The following PCDHA5 variants were observed in gnomAD, a reference collection of about 807,000 sequenced individuals.
The protein encoded by PCDHA5 is protocadherin alpha 5, also known as protocadherin alpha-5.
PCDHA5 carries 43 observed loss-of-function variants against 61.6 expected under a neutral mutation model. The ratio of observed to expected loss-of-function variants is 0.70; its 90% CI spans 0.55 to 0.90. The LOEUF is 0.90. PCDHA5 is among the 40% of genes least tolerant of loss of function. The probability of loss-of-function intolerance (pLI) is 0.00; values close to 1 mark genes in which losing one functional copy is unlikely to be tolerated. For missense variants in PCDHA5, 1,298 were observed against 1,222.7 expected (o/e 1.06, Z -0.92); for synonymous variants, 627 against 543.9 (o/e 1.15, Z -2.13).
intron 1 of PCDHA5, among the ~76,000 whole-genome samples, chr5:140,953,569 C>G (rs246030): frequency 0.56 from 85,556 of 151,828 alleles, 24,725 homozygotes; most frequent in African/African-American, 0.69. Context: ...TTAGTGCCCT[C>G]CTCTCCCAAA....
chr5:140,883,616 G>T (rs781929949), intron 1 of PCDHA5: 69 of 1,613,896 alleles, frequency 4.3e-5, no homozygotes, highest in Non-Finnish European at 5.7e-5. Flanking sequence ...CGACGTGAAC[G>T]ACAACGCGCC....
intron 1 of PCDHA5, among the ~76,000 whole-genome samples, chr5:140,940,086 A>C (rs373629874): frequency 6.6e-6 from 1 of 152,214 alleles, no homozygotes; most frequent in Non-Finnish European, 1.5e-5. Flanking sequence ...TTTCTGCTAA[A>C]TTGAAACTTT....
chr5:140,938,439 A>C (rs2092064072), intron 1 of PCDHA5, among the ~76,000 whole-genome samples: 1 of 152,208 alleles, frequency 6.6e-6, no homozygotes, highest in African/African-American at 2.4e-5. Flanking sequence ...TATCAGATTT[A>C]TTAAGTTCCC....
chr5:140,891,688 T>G (rs2063203967), intron 1 of PCDHA5, among the ~76,000 whole-genome samples: 1 of 152,224 alleles, frequency 6.6e-6, no homozygotes, highest in Non-Finnish European at 1.5e-5. Flanking sequence ...TCTCTCTTCT[T>G]GCTGTTGTCT....
chr5:140,988,622 ATGTCCTGGTTTTC>A (rs2097306090), intron 3 of PCDHA5, among the ~76,000 whole-genome samples: 1 of 152,124 alleles, frequency 6.6e-6, no homozygotes, highest in Non-Finnish European at 1.5e-5. Context: ...TAGAATGGAG[ATGTCCTGGTTTTC>A]TGAAATTAAA....
chr5:140,922,177 A>G (rs1194396252), intron 1 of PCDHA5, among the ~76,000 whole-genome samples: 1 of 69,034 alleles, frequency 1.4e-5, no homozygotes, highest in Non-Finnish European at 3.3e-5. Context: ...TACAGCAGAC[A>G]AAAAAAAAGT....
chr5:140,969,140 T>G, intron 1 of PCDHA5: 1 of 1,613,980 alleles, frequency 6.2e-7, no homozygotes, highest in Non-Finnish European at 8.5e-7. Flanking sequence ...CAAGACCTAC[T>G]GCTACAAGGC....
chr5:140,927,204 G>A, intron 1 of PCDHA5: 1 of 1,614,112 alleles, frequency 6.2e-7, no homozygotes, highest in Non-Finnish European at 8.5e-7. Context: ...TCGAGGACCC[G>A]CTGGAGCTGC....
intron 1 of PCDHA5, chr5:140,861,891 C>T (rs2047126506): frequency 6.5e-6 from 1 of 154,838 alleles, no homozygotes; most frequent in African/African-American, 2.4e-5. Flanking sequence ...CTGACAGGCA[C>T]CAAAGCATTA....
chr5:140,966,934 G>T, intron 1 of PCDHA5: 1 of 1,604,080 alleles, frequency 6.2e-7, no homozygotes, highest in Non-Finnish European at 8.5e-7. Context: ...CACCCGGCGC[G>T]CTCGTGGGCA....
intron 1 of PCDHA5, among the ~76,000 whole-genome samples, chr5:140,903,723 A>G (rs1361598477): frequency 6.6e-6 from 1 of 152,210 alleles, no homozygotes; most frequent in Non-Finnish European, 1.5e-5. Flanking sequence ...AATTCTCCCT[A>G]TTATCAATTA....
chr5:140,934,912 T>C (rs534779508), intron 1 of PCDHA5, among the ~76,000 whole-genome samples: 1 of 152,318 alleles, frequency 6.6e-6, no homozygotes, highest in Admixed American at 6.5e-5. Context: ...GGAATAATTA[T>C]GGATTCACAT....
chr5:140,967,121 C>T, intron 1 of PCDHA5: 1 of 1,612,916 alleles, frequency 6.2e-7, no homozygotes, highest in East Asian at 2.2e-5. Flanking sequence ...TCGCTGCCTG[C>T]TCAGCTTGGA....
chr5:140,873,086 C>T (rs984385666), intron 1 of PCDHA5, among the ~76,000 whole-genome samples: 6 of 152,122 alleles, frequency 3.9e-5, no homozygotes, highest in African/African-American at 9.7e-5. Context: ...ATTTCCCCCC[C>T]GTATAGAGGC....
chr5:140,824,829 A>T (rs1484900746), intron 1 of PCDHA5: 3 of 151,820 alleles, frequency 2.0e-5, no homozygotes, highest in African/African-American at 7.3e-5. Flanking sequence ...ATTAATTATT[A>T]TTTTATTACA....
intron 3 of PCDHA5, among the ~76,000 whole-genome samples, chr5:141,000,419 A>ATTTT (rs1563652468): frequency 3.0e-4 from 18 of 60,988 alleles, no homozygotes; most frequent in East Asian, 5.4e-4. Context: ...ATATATATAT[A>ATTTT]TATTTTTTTT....
Position 140,920,446 on chromosome 5 carries a change from A to G in PCDHA5, c.2353-58503A>G, listed in dbSNP as rs2079636964. 2.6e-5 allele frequency among the ~76,000 whole-genome samples: 4 copies of G among 152,114 alleles called. No homozygotes were observed. In the South Asian group the frequency reaches 8.3e-4, roughly 31 times the overall value. On this transcript the variant is annotated intron_variant, in intron 1 of 3. Coordinates refer to ENST00000529859, the MANE Select transcript of PCDHA5 (RefSeq NM_018908.3). ...CTCCCACACACCTCTTTTATACTGT[A>G]ATTGACAAATTTGTTATATTTCTGT...
At chr5:140,831,510 T>C (rs1180915101) in intron 1 of PCDHA5, among the ~76,000 whole-genome samples, 2 of 137,202 alleles carry the variant, frequency 1.5e-5, no homozygotes, top group East Asian at 4.2e-4. Flanking sequence ...AGCACCACCA[T>C]GCCCCCCACC....
intron 1 of PCDHA5, chr5:140,850,214 T>A (rs1554143992): frequency 6.3e-7 from 1 of 1,593,328 alleles, no homozygotes; most frequent in African/African-American, 1.3e-5. Flanking sequence ...TGAGGGGCAC[T>A]GACGGCGCAG....
Sources: allele counts gnomAD v4.1 joint callset (sites outside exome capture counted in the v4.1 genomes callset), GRCh38; gene constraint gnomAD v4.1.1; transcripts MANE v1.5; gene names NCBI Gene and HGNC (gene_info 2026-07-23, HGNC 2026-07-21).